The following SLC22A25 variants were observed in gnomAD, a reference collection of about 807,000 sequenced individuals.
The protein encoded by SLC22A25 is solute carrier family 22 member 25.
A neutral mutation model predicts 45.9 loss-of-function variants in SLC22A25; 44 were observed. That is an observed-to-expected ratio of 0.96 (90% confidence interval 0.75 to 1.23). SLC22A25 has a LOEUF of 1.23. SLC22A25 is among the 50% of genes most tolerant of loss of function. SLC22A25 has a pLI of 0.00. For synonymous variants in SLC22A25, 283 were observed against 238.6 expected, an observed-to-expected ratio of 1.19 and a Z score of -1.72; for missense variants, 800 against 666.4, an observed-to-expected ratio of 1.20 and a Z score of -2.21.
Position 63,243,433 on chromosome 11 carries a change from C to A in SLC22A25, c.-996+1G>T. 1 of 749,180 alleles carries A rather than the reference C, an allele frequency of 1.3e-6. No individual in the cohort carries two copies. Among genetic ancestry groups the A allele is most frequent in the Non-Finnish European group, 2.5e-6 (1 of 399,666 alleles). 46.4% of individuals were successfully genotyped at this position (749,180 alleles called of 1,614,324 possible). A position where few individuals can be genotyped will look rare whatever the true frequency, so the allele number is the denominator to read the frequency against. ...AGGTTTTCCCTCTGGCCACGATTTA[C>A]CTGGACTGTTTCTTCGCCAGGATCC... On this transcript the variant is annotated splice_donor_variant, in intron 1 of 11. Transcript: ENST00000306494. LOFTEE classifies it low-confidence loss of function (5UTR_SPLICE).
chr11:63,169,881 G>T (rs142915771), intron 9 of SLC22A25, among the ~76,000 whole-genome samples: 10 of 151,998 alleles, frequency 6.6e-5, no homozygotes, highest in Admixed American at 6.6e-4. Flanking sequence ...GCACCACATC[G>T]CACTTATTCT....
At chr11:63,183,018 G>A (rs1325899267) in intron 8 of SLC22A25, among the ~76,000 whole-genome samples, 1 of 151,930 alleles carries the variant, frequency 6.6e-6, no homozygotes, top group Non-Finnish European at 1.5e-5. Context: ...TGTCATTCAT[G>A]ACCTAGTACC....
intron 1 of SLC22A25, among the ~76,000 whole-genome samples, chr11:63,241,233 T>G (rs2090242825): frequency 6.6e-6 from 1 of 152,190 alleles, no homozygotes; most frequent in African/African-American, 2.4e-5. Flanking sequence ...CCTGAAGCCA[T>G]TCCATGGGGA....
intron 5 of SLC22A25, among the ~76,000 whole-genome samples, chr11:63,221,213 TG>T (rs1174350340): frequency 3.9e-5 from 6 of 152,294 alleles, no homozygotes; most frequent in African/African-American, 1.2e-4. Flanking sequence ...TTGTTTTCCA[TG>T]GGAGTTGTAC....
intron 1 of SLC22A25, among the ~76,000 whole-genome samples, chr11:63,240,079 A>G (rs2090223614): frequency 6.6e-6 from 1 of 152,226 alleles, no homozygotes; most frequent in Non-Finnish European, 1.5e-5. Context: ...CCTATTGCTC[A>G]TATCCTGCAA....
At chr11:63,194,751 TA>T (rs1482675973) in intron 7 of SLC22A25, among the ~76,000 whole-genome samples, 4 of 151,716 alleles carry the variant, frequency 2.6e-5, no homozygotes, top group Admixed American at 1.3e-4. Flanking sequence ...ATGCCCCAGT[TA>T]AAAGACACAG....
intron 9 of SLC22A25, among the ~76,000 whole-genome samples, chr11:63,178,890 A>G (rs1352718493): frequency 6.6e-6 from 1 of 151,796 alleles, no homozygotes; most frequent in Non-Finnish European, 1.5e-5. Context: ...CTTTGCTAAT[A>G]GCAATGTCCT....
chr11:63,243,332 G>A (rs2090283098), intron 1 of SLC22A25, 102 bp downstream of exon 1: 1 of 517,266 alleles, frequency 1.9e-6, no homozygotes, highest in East Asian at 3.4e-5. Flanking sequence ...AACCATTTGG[G>A]ATGGAAAAGC....
rs1183607599 is a variant in SLC22A25, at chr11:63,158,717, T to G, written c.*5107A>C. ...TAATCACATTATGCAGCATGGGGTATCTGTCCCTCAAGCGTTTATTCTTTG... is the reference window on the plus strand; with the variant it reads ...TAATCACATTATGCAGCATGGGGTAGCTGTCCCTCAAGCGTTTATTCTTTG... On this transcript the variant is annotated 3_prime_UTR_variant, in exon 12 of 12. Transcript: ENST00000306494. Among the ~76,000 whole-genome samples, 1 of 152,218 alleles carries G rather than the reference T, an allele frequency of 6.6e-6. No individual in the cohort carries two copies. Among genetic ancestry groups the G allele is most frequent in the Non-Finnish European group, 1.5e-5 (1 of 68,034 alleles).
chr11:63,170,852 A>T (rs907054519), intron 9 of SLC22A25, among the ~76,000 whole-genome samples: 18 of 150,896 alleles, frequency 1.2e-4, no homozygotes, highest in Non-Finnish European at 2.2e-4. Flanking sequence ...CCTGGCAGAG[A>T]CACAACCAGA....
chr11:63,181,655 G>A (rs1403608932), intron 8 of SLC22A25, among the ~76,000 whole-genome samples: 2 of 152,044 alleles, frequency 1.3e-5, no homozygotes, highest in African/African-American at 4.8e-5. Context: ...GTGAGTGTGG[G>A]AGAATGAGAC....
chr11:63,219,320 T>C (rs369740875), intron 5 of SLC22A25, among the ~76,000 whole-genome samples: 153 of 152,278 alleles, frequency 1.0e-3, no homozygotes, highest in African/African-American at 3.5e-3. Context: ...TTTAATGCAA[T>C]CCCAATGAAA....
intron 9 of SLC22A25, among the ~76,000 whole-genome samples, chr11:63,172,321 T>G (rs889993987): frequency 2.6e-5 from 4 of 152,148 alleles, no homozygotes; most frequent in African/African-American, 9.6e-5. Flanking sequence ...AAAGAGCTTC[T>G]GCACAGCAAA....
In SLC22A25 at chr11:63,160,877, G is replaced by A. The variant is rs990185971; in HGVS notation, c.*2947C>T. Among the ~76,000 whole-genome samples the A allele has an allele frequency of 6.6e-6, 1 of 152,122 alleles. No individual in the cohort carries two copies. Among genetic ancestry groups the A allele is most frequent in the East Asian group, 1.9e-4 (1 of 5,192 alleles). Reference sequence around the variant, plus strand: ...GCTTTAAGATTGGACTTCCCTGCTGGATTTTGGAATTGTATGGGGCCTTTA... The same window carrying A: ...GCTTTAAGATTGGACTTCCCTGCTGAATTTTGGAATTGTATGGGGCCTTTA... On this transcript the variant is annotated 3_prime_UTR_variant, in exon 12 of 12. Transcript: ENST00000306494.
At chr11:63,239,280 C>T (rs2090210934) in intron 1 of SLC22A25, among the ~76,000 whole-genome samples, 145 bp from the exon 2 acceptor site, 1 of 152,182 alleles carries the variant, frequency 6.6e-6, no homozygotes, top group African/African-American at 2.4e-5. Flanking sequence ...GAAGGTTACA[C>T]ATCTTATTAT....
intron 7 of SLC22A25, among the ~76,000 whole-genome samples, chr11:63,216,524 C>T (rs965386934): frequency 6.6e-6 from 1 of 152,068 alleles, no homozygotes; most frequent in East Asian, 1.9e-4. Flanking sequence ...ATATATACAC[C>T]ATGGAATACT....
chr11:63,232,498 T>C (rs1419606840), intron 3 of SLC22A25, among the ~76,000 whole-genome samples: 1 of 152,252 alleles, frequency 6.6e-6, no homozygotes, highest in South Asian at 2.1e-4. Flanking sequence ...CCTGATACTT[T>C]GCTGAAATTG....
rs774135233 is a variant in SLC22A25, at chr11:63,217,383, A to C, written c.761T>G (p.Val254Gly). 6.2e-7 allele frequency: 1 copy of C among 1,614,064 alleles called. No individual in the cohort carries two copies. Residue 254 changes from valine to glycine, a missense_variant, in exon 7 of 12, where the codon GTC becomes GGC. Val to Gly is a moderately radical substitution (Grantham distance 109, BLOSUM62 -3). Transcript: ENST00000306494. Reference protein sequence around the residue: ...GHITLGSLAFVIRDQCILQLV... With the variant: ...GHITLGSLAFGIRDQCILQLV... ...CTGGAGGATGCACTGGTCTCGAATG[A>C]CAAAAGCCAGGCTTCCCAGGGTTAT...
At chr11:63,171,340 G>T (rs928562876) in intron 9 of SLC22A25, among the ~76,000 whole-genome samples, 10 of 152,014 alleles carry the variant, frequency 6.6e-5, no homozygotes, top group Admixed American at 3.9e-4. Context: ...GGAAATGAAG[G>T]GTATTCAAAT....
Sources: gnomAD v4.1 joint callset for allele counts (sites outside exome capture counted in the v4.1 genomes callset) on GRCh38, gnomAD v4.1.1 for gene constraint, MANE v1.5 for transcripts, NCBI Gene and HGNC (gene_info 2026-07-23, HGNC 2026-07-21) for gene names.